GPRIN3: variants seen among roughly 807,000 people sequenced by gnomAD.
The protein encoded by GPRIN3 is G protein-regulated inducer of neurite outgrowth 3.
GPRIN3 carries 12 observed loss-of-function variants against 13.7 expected under a neutral mutation model. The ratio of observed to expected loss-of-function variants is 0.87; its 90% CI spans 0.56 to 1.42. The LOEUF (loss-of-function observed/expected upper bound fraction) is 1.42. Ranked by LOEUF, GPRIN3 falls within the 40% of genes most tolerant of loss-of-function variation. GPRIN3 has a pLI of 0.00. For missense variants in GPRIN3, 1,009 were observed against 958.7 expected, an observed-to-expected ratio of 1.05 and a Z score of -0.69; for synonymous variants, 377 against 372.7, an observed-to-expected ratio of 1.01 and a Z score of -0.13.
At chr4:89,287,393 T>G (rs1024932593) in intron 1 of GPRIN3, among the ~76,000 whole-genome samples, 1 of 152,366 alleles carries the variant, frequency 6.6e-6, no homozygotes, top group East Asian at 1.9e-4. Flanking sequence ...TTACAACCTG[T>G]GGTTAATACA....
chr4:89,252,306 C>T (rs910130853), intron 1 of GPRIN3, among the ~76,000 whole-genome samples: 2 of 152,112 alleles, frequency 1.3e-5, no homozygotes, highest in Non-Finnish European at 2.9e-5. Context: ...TAACTAGACA[C>T]TAGGTCATGT....
At chr4:89,255,186 A>C (rs1036620154) in intron 1 of GPRIN3, among the ~76,000 whole-genome samples, 4 of 152,148 alleles carry the variant, frequency 2.6e-5, no homozygotes, top group Non-Finnish European at 5.9e-5. Context: ...TTGGATTAGA[A>C]TATCAGTTCC....
chr4:89,253,078 T>C (rs144873995), intron 1 of GPRIN3, among the ~76,000 whole-genome samples: 1 of 151,978 alleles, frequency 6.6e-6, no homozygotes, highest in African/African-American at 2.4e-5. Context: ...TGTATTGTTC[T>C]TTTCATGCAC....
intron 1 of GPRIN3, among the ~76,000 whole-genome samples, chr4:89,259,769 CA>C (rs1484466087): frequency 6.6e-6 from 1 of 152,266 alleles, no homozygotes; most frequent in African/African-American, 2.4e-5. Context: ...TGCCTTTTGG[CA>C]AAGGCATCTT....
chr4:89,249,737 G>C lies in GPRIN3; in HGVS notation c.374C>G (p.Pro125Arg), dbSNP rs1421142900. 6 of 1,614,192 alleles carry C rather than the reference G, an allele frequency of 3.7e-6. No homozygotes were observed. The East Asian group carries it at 1.3e-4, about 36-fold the overall frequency. Reference sequence around the variant, plus strand: ...GTGCTGATTGGCGGGCATTGTCAATGGTGTGTGTATAAGATCCCTTCCTGC... The same window carrying C: ...GTGCTGATTGGCGGGCATTGTCAATCGTGTGTGTATAAGATCCCTTCCTGC... The part of the protein sequence containing the change: ...SAAGRDLIHT[P>R]LTMPANQHTC... The change falls in exon 2 of 2, where the codon CCA becomes CGA. Residue 125 changes from proline to arginine, a missense_variant. Pro to Arg is a moderately radical substitution (Grantham distance 103). Coordinates refer to ENST00000609438, the MANE Select transcript of GPRIN3 (RefSeq NM_198281.3).
Position 89,247,266 on chromosome 4 carries a change from GT to G in GPRIN3, c.*513del, listed in dbSNP as rs1723127987. 1 of 152,312 alleles carries G rather than the reference GT, an allele frequency of 6.6e-6. No individual in the cohort carries two copies. Among genetic ancestry groups the G allele is most frequent in the African/African-American group, 2.4e-5 (1 of 41,378 alleles). 9.4% of individuals were successfully genotyped at this position (152,312 alleles called of 1,614,324 possible). ...TCTGGCCTAGGAATGAATCAAATATGTTCTCATTTTTTTCATTATGGTTCTT... is the reference window on the plus strand; with the variant it reads ...TCTGGCCTAGGAATGAATCAAATATGTCTCATTTTTTTCATTATGGTTCTT... On this transcript the variant is annotated 3_prime_UTR_variant, in exon 2 of 2. Coordinates refer to ENST00000609438, the MANE Select transcript of GPRIN3 (RefSeq NM_198281.3).
chr4:89,298,264 G>A (rs1451609460), intron 1 of GPRIN3, among the ~76,000 whole-genome samples: 1 of 152,098 alleles, frequency 6.6e-6, no homozygotes, highest in African/African-American at 2.4e-5. Flanking sequence ...AGTCAAAAAT[G>A]CATGTGTCTG....
intron 1 of GPRIN3, among the ~76,000 whole-genome samples, chr4:89,291,692 T>C (rs1305805415): frequency 6.6e-6 from 1 of 152,170 alleles, no homozygotes; most frequent in Non-Finnish European, 1.5e-5. Context: ...AGTGGTCATA[T>C]GGTAAGTGAA....
chr4:89,302,809 T>C (rs1009322957), intron 1 of GPRIN3, among the ~76,000 whole-genome samples: 4 of 152,184 alleles, frequency 2.6e-5, no homozygotes, highest in African/African-American at 9.7e-5. Flanking sequence ...AGTTAGATTA[T>C]CACTAATTTG....
chr4:89,270,461 T>C (rs908208387), intron 1 of GPRIN3, among the ~76,000 whole-genome samples: 1 of 150,060 alleles, frequency 6.7e-6, no homozygotes. Context: ...TTCTTTCAAC[T>C]GTACTCTTTT....
At position 89,281,165 on chromosome 4, in the gene GPRIN3, C is replaced by G. The variant is rs575367648; in HGVS notation, c.-124+26450G>C. Among the ~76,000 whole-genome samples the G allele has an allele frequency of 2.6e-3, 394 of 152,042 alleles. 3 individuals are homozygous for G. Among genetic ancestry groups the G allele is most frequent in the African/African-American group, 8.7e-3 (362 of 41,488 alleles). On this transcript the variant is annotated intron_variant, in intron 1 of 1. Coordinates refer to ENST00000609438, the MANE Select transcript of GPRIN3 (RefSeq NM_198281.3). ...TTAGATAGAGTCTCGCTCTTGTCAC[C>G]CAGGCTGGAGTGCAATAGCGTGAAC... is the stretch of plus-strand genomic sequence containing the variant.
intron 1 of GPRIN3, among the ~76,000 whole-genome samples, chr4:89,281,059 G>T (rs185163684): frequency 8.5e-4 from 129 of 152,010 alleles, no homozygotes; most frequent in African/African-American, 2.1e-3. Context: ...GAAGGTGAAG[G>T]GGGGGGATAA....
intron 1 of GPRIN3, among the ~76,000 whole-genome samples, chr4:89,302,365 A>C (rs1724922433): frequency 6.6e-6 from 1 of 152,170 alleles, no homozygotes; most frequent in African/African-American, 2.4e-5. Context: ...CTTGGGACTC[A>C]TCTGTAATCA....
intron 1 of GPRIN3, among the ~76,000 whole-genome samples, chr4:89,304,377 A>ATATCACAG (rs1724979828): frequency 6.6e-6 from 1 of 150,634 alleles, no homozygotes; most frequent in African/African-American, 2.5e-5. Context: ...TATACATTTT[A>ATATCACAG]TATCACAGTC....
chr4:89,249,160 C>T lies in GPRIN3; in HGVS notation c.951G>A (p.Trp317Ter). Residue 317 changes from tryptophan to a stop codon, truncating the protein, a stop_gained, in exon 2 of 2, where the codon TGG (tryptophan) becomes TGA (stop). Coordinates refer to ENST00000609438, the MANE Select transcript of GPRIN3 (RefSeq NM_198281.3). LOFTEE classifies it low-confidence loss of function (END_TRUNC). ...SEIKEVPSRA[W>*]QDAEVQAVAS... ...CCACTGCCTGCACCTCCGCATCTTG[C>T]CAAGCCCTGCTGGGAACTTCCTTGA... The T allele has an allele frequency of 6.2e-7, 1 of 1,614,196 alleles. No individual in the cohort carries two copies.
chr4:89,280,828 A>G (rs1248867354), intron 1 of GPRIN3, among the ~76,000 whole-genome samples: 1 of 152,200 alleles, frequency 6.6e-6, no homozygotes, highest in Non-Finnish European at 1.5e-5. Flanking sequence ...TGATGCATCT[A>G]TTAACCAAAA....
chr4:89,248,608 G>C lies in GPRIN3; in HGVS notation c.1503C>G (p.Asn501Lys). The C allele has an allele frequency of 6.2e-7, 1 of 1,613,972 alleles. No individual in the cohort carries two copies. The highest frequency in any genetic ancestry group is 8.5e-7 in the Non-Finnish European group (1 of 1,179,876). Reference protein sequence around the residue: ...RPSEFAEKTTNGHKTDPDCKL... With the variant: ...RPSEFAEKTTKGHKTDPDCKL... ...TGCAATCTGGGTCTGTTTTGTGGCC[G>C]TTTGTCGTTTTCTCTGCAAACTCAG... Residue 501 changes from asparagine (N) to lysine (K), a missense_variant, in exon 2 of 2, where the codon AAC becomes AAG. By Grantham distance (94) the Asn-to-Lys change is moderately conservative. Coordinates refer to ENST00000609438, the MANE Select transcript of GPRIN3 (RefSeq NM_198281.3).
In GPRIN3 at chr4:89,281,005, C is replaced by T. The variant is rs1008199672; in HGVS notation, c.-124+26610G>A. 3.5e-4 allele frequency among the ~76,000 whole-genome samples: 53 copies of T among 152,064 alleles called. 1 individual carries two copies. Among genetic ancestry groups the T allele is most frequent in the East Asian group, 7.7e-4 (4 of 5,170 alleles). ...TTATGGGAAGCGTGGTGCTGGCATC[C>T]GCTATGTTTCTGGAGAGGCCTCAGG... is the stretch of plus-strand genomic sequence containing the variant. On this transcript the variant is annotated intron_variant, in intron 1 of 1. Coordinates refer to ENST00000609438, the MANE Select transcript of GPRIN3 (RefSeq NM_198281.3).
chr4:89,269,735 T>C (rs987522696), intron 1 of GPRIN3, among the ~76,000 whole-genome samples: 9 of 152,214 alleles, frequency 5.9e-5, no homozygotes, highest in African/African-American at 2.2e-4. Flanking sequence ...AGTAGGAATT[T>C]CCATTTCATC....
Sources: allele counts gnomAD v4.1 joint callset (sites outside exome capture counted in the v4.1 genomes callset), GRCh38; gene constraint gnomAD v4.1.1; transcripts MANE v1.5; gene names NCBI Gene and HGNC (gene_info 2026-07-23, HGNC 2026-07-21).